The following PCDHA4 variants were observed in gnomAD, a reference collection of about 807,000 sequenced individuals.
PCDHA4 encodes protocadherin alpha 4.
Under a neutral mutation model 61.4 loss-of-function variants are expected in PCDHA4, and 49 were observed. The observed-to-expected ratio is 0.80, with a 90% CI of 0.63 to 1.01. The LOEUF (loss-of-function observed/expected upper bound fraction) is 1.01, where lower values mean the gene tolerates loss of function less well. Among genes scored for constraint, PCDHA4 ranks in the 50% least tolerant of loss-of-function variants. The pLI is 0.00. For synonymous variants in PCDHA4, 590 were observed against 550.3 expected, an observed-to-expected ratio of 1.07 and a Z score of -1.01; for missense variants, 1,254 against 1,235.8, an observed-to-expected ratio of 1.01 and a Z score of -0.22.
intron 1 of PCDHA4, among the ~76,000 whole-genome samples, chr5:140,879,556 A>G (rs2058036538): frequency 6.6e-6 from 1 of 152,240 alleles, no homozygotes; most frequent in South Asian, 2.1e-4. Context: ...AAAATAATCC[A>G]TGAAAGAATA....
At chr5:140,912,125 T>C (rs1197015933) in intron 1 of PCDHA4, among the ~76,000 whole-genome samples, 1 of 152,160 alleles carries the variant, frequency 6.6e-6, no homozygotes, top group East Asian at 1.9e-4. Flanking sequence ...GCTAAGTCAG[T>C]CTAATCTCTC....
intron 1 of PCDHA4, chr5:140,836,407 C>A: frequency 6.2e-7 from 1 of 1,613,770 alleles, no homozygotes; most frequent in Non-Finnish European, 8.5e-7. Context: ...AGCGGCCAGG[C>A]ACCAAAGGCG....
At chr5:140,890,923 C>T (rs535912661) in intron 1 of PCDHA4, among the ~76,000 whole-genome samples, 1 of 152,202 alleles carries the variant, frequency 6.6e-6, no homozygotes, top group East Asian at 1.9e-4. Context: ...TTGAGAGTTT[C>T]CTTTAGTCCA....
chr5:140,834,317 G>T, intron 1 of PCDHA4: 1 of 1,393,006 alleles, frequency 7.2e-7, no homozygotes, highest in Non-Finnish European at 9.8e-7. Context: ...GAAATGAAGG[G>T]ATAAAAACAT....
intron 1 of PCDHA4, chr5:140,849,861 G>A (rs2150454483): frequency 1.9e-6 from 3 of 1,598,586 alleles, no homozygotes; most frequent in Admixed American, 3.4e-5. Context: ...ACCAGCGTTC[G>A]CGCAGTCCGA....
At position 140,843,090 on chromosome 5, in the gene PCDHA4, T is replaced by A; in HGVS notation, c.2385+33518T>A. The A allele has an allele frequency of 2.5e-6, 4 of 1,595,448 alleles. 1 individual carries two copies. The highest frequency in any genetic ancestry group is 3.4e-6 in the Non-Finnish European group (4 of 1,165,354). ...CCGCGGTCTGTGGGCGCGGGCCACGTGGTAGCGAAGGTGCGCGCAGTGGAC... is the reference window on the plus strand; with the variant it reads ...CCGCGGTCTGTGGGCGCGGGCCACGAGGTAGCGAAGGTGCGCGCAGTGGAC... On this transcript the variant is annotated intron_variant, in intron 1 of 3. Transcript: ENST00000530339.
chr5:140,832,320 C>T (rs1189533156), intron 1 of PCDHA4, among the ~76,000 whole-genome samples: 1 of 152,296 alleles, frequency 6.6e-6, no homozygotes, highest in East Asian at 1.9e-4. Context: ...TGCTTAAGGG[C>T]CATTAGAGGA....
At chr5:140,926,946 A>C in intron 1 of PCDHA4, 1 of 1,590,228 alleles carries the variant, frequency 6.3e-7, no homozygotes, top group Non-Finnish European at 8.6e-7. Context: ...GCGGCGCTGC[A>C]GCGGGACAGC....
chr5:140,836,349 G>A (rs2150258385), intron 1 of PCDHA4: 52 of 1,613,592 alleles, frequency 3.2e-5, no homozygotes, highest in Non-Finnish European at 4.4e-5. Flanking sequence ...GGACCACGGG[G>A]AGCCCTCGCT....
chr5:140,967,727 G>A, intron 1 of PCDHA4: 1 of 1,614,148 alleles, frequency 6.2e-7, no homozygotes. Context: ...GCGAGTAATT[G>A]GGGGGCTGGA....
At chr5:140,928,304 AC>A (rs782506310) in intron 1 of PCDHA4, 98 of 1,613,908 alleles carry the variant, frequency 6.1e-5, no homozygotes, top group Non-Finnish European at 7.9e-5. Flanking sequence ...TTTGCCCAGG[AC>A]CCCGACCTGG....
intron 1 of PCDHA4, among the ~76,000 whole-genome samples, chr5:140,819,962 T>C (rs1216452666): frequency 1.3e-5 from 2 of 152,052 alleles, no homozygotes; most frequent in Non-Finnish European, 2.9e-5. Context: ...TATTTACTTT[T>C]TTCAAAGGTT....
At chr5:140,931,023 T>C (rs146623712) in intron 1 of PCDHA4, among the ~76,000 whole-genome samples, 1 of 152,322 alleles carries the variant, frequency 6.6e-6, no homozygotes, top group African/African-American at 2.4e-5. Context: ...AATTTTCTGA[T>C]TGTAGAGCTA....
rs1476497862 is a variant in PCDHA4 at position 140,947,129 on chromosome 5, T to TAGTAAAATG, written c.2386-31819_2386-31811dup. Among the ~76,000 whole-genome samples the TAGTAAAATG allele has an allele frequency of 1.0e-3, 152 of 151,378 alleles. 1 individual carries two copies. Among genetic ancestry groups the TAGTAAAATG allele is most frequent in the African/African-American group, 3.5e-3 (145 of 41,346 alleles). On this transcript the variant is annotated intron_variant, in intron 1 of 3. Transcript: ENST00000530339. The stretch of plus-strand genomic sequence containing the variant: ...TACGTGTCAATTAAAATAATAAAAA[T>TAGTAAAATG]AGTAAAATGTATAGTTACTTCCACG...
In PCDHA4 at chr5:140,848,293, C is replaced by T. The variant is rs2150408206; in HGVS notation, c.2385+38721C>T. On this transcript the variant is annotated intron_variant, in intron 1 of 3. Transcript: ENST00000530339. ...TGAAATATGTACTTACACTTTGGGC[C>T]ACGTGATGTCACTCTTTGCCGCGAT... The T allele has an allele frequency of 2.0e-5, 13 of 642,032 alleles. 2 individuals are homozygous for T. The highest frequency in any genetic ancestry group is 3.2e-5 in the Non-Finnish European group (12 of 369,632). 39.8% of individuals were successfully genotyped at this position (642,032 alleles called of 1,614,324 possible).
At position 140,835,282 on chromosome 5, in the gene PCDHA4, G is replaced by A. The variant is rs2150233282; in HGVS notation, c.2385+25710G>A. On this transcript the variant is annotated intron_variant, in intron 1 of 3. Transcript: ENST00000530339. Reference sequence around the variant, plus strand: ...AAGTTCCACATGGACCCCTTAAGTGGGGCAATCACAGTGATAGGACATATG... The same window carrying A: ...AAGTTCCACATGGACCCCTTAAGTGAGGCAATCACAGTGATAGGACATATG... 4 of 1,611,622 alleles carry A rather than the reference G, an allele frequency of 2.5e-6. No individual in the cohort carries two copies. In the South Asian group the frequency reaches 3.3e-5, roughly 13 times the overall value.
intron 1 of PCDHA4, among the ~76,000 whole-genome samples, chr5:140,970,414 A>G (rs2096403953): frequency 6.6e-6 from 1 of 152,224 alleles, no homozygotes; most frequent in South Asian, 2.1e-4. Context: ...CCCTACAGTA[A>G]GGTGTAGAGG....
chr5:140,828,485 T>A (rs2150155911), intron 1 of PCDHA4: 2 of 1,614,056 alleles, frequency 1.2e-6, no homozygotes, highest in Admixed American at 3.3e-5. Context: ...CAACCCGCCC[T>A]TGTTCCCGGT....
intron 1 of PCDHA4, among the ~76,000 whole-genome samples, chr5:140,909,351 T>C (rs2153508982): frequency 6.6e-6 from 1 of 152,238 alleles, no homozygotes; most frequent in African/African-American, 2.4e-5. Context: ...TACCAAGAGA[T>C]GTGTTAATTT....
Sources: gnomAD v4.1 joint callset for allele counts (sites outside exome capture counted in the v4.1 genomes callset) on GRCh38, gnomAD v4.1.1 for gene constraint, MANE v1.5 for transcripts, NCBI Gene and HGNC (gene_info 2026-07-23, HGNC 2026-07-21) for gene names.